Variants in FAM184B observed in about 807,000 individuals in gnomAD.
FAM184B encodes the protein protein FAM184B.
FAM184B carries 111 observed loss-of-function variants against 135.9 expected under a neutral mutation model. That is an observed-to-expected ratio of 0.82 (90% CI 0.70 to 0.96). FAM184B has a LOEUF of 0.96. Ranked by LOEUF, FAM184B falls within the 40% of genes least tolerant of loss-of-function variation. FAM184B has a pLI of 0.00. For missense variants in FAM184B, 1,375 were observed against 1,323.9 expected, an observed-to-expected ratio of 1.04 and a Z score of -0.60; for synonymous variants, 552 against 524.8, an observed-to-expected ratio of 1.05 and a Z score of -0.71.
chr4:17,735,403 C>T (rs1717885046), intron 1 of FAM184B, among the ~76,000 whole-genome samples: 2 of 151,910 alleles, frequency 1.3e-5, no homozygotes, highest in Non-Finnish European at 2.9e-5. Flanking sequence ...TTAAAATTTT[C>T]TTATTTCCTA....
At chr4:17,731,802 C>T (rs1717782993) in intron 1 of FAM184B, among the ~76,000 whole-genome samples, 1 of 152,098 alleles carries the variant, frequency 6.6e-6, no homozygotes, top group South Asian at 2.1e-4. Flanking sequence ...AAAGGATACC[C>T]AGGAATTGAA....
At position 17,688,680 on chromosome 4, in the gene FAM184B, CTTTTTTTTTTTT is replaced by C. The variant is rs34337003; in HGVS notation, c.1489-161_1489-150del. The C allele has an allele frequency of 7.7e-3, 908 of 117,972 alleles. 13 individuals are homozygous for C. Among genetic ancestry groups the C allele is most frequent in the African/African-American group, 0.041 (821 of 20,152 alleles). The allele number at this position is 117,972 out of a possible 1,614,324, so 7.3% of individuals were successfully genotyped here. ...ATTCTACACACACTTCTAGAAATGCCTTTTTTTTTTTTTTTTTTTTTTTTTTTCTGATCCAGG... is the reference window on the plus strand; with the variant it reads ...ATTCTACACACACTTCTAGAAATGCCTTTTTTTTTTTTTTTCTGATCCAGG... On this transcript the variant is annotated intron_variant, in intron 6 of 17. Transcript: ENST00000265018.
chr4:17,683,223 C>T (rs1716488657), intron 7 of FAM184B, among the ~76,000 whole-genome samples: 2 of 152,192 alleles, frequency 1.3e-5, no homozygotes, highest in Non-Finnish European at 2.9e-5. Flanking sequence ...GCAAAGCACA[C>T]GTGTTGCTGG....
intron 13 of FAM184B, 35 bp downstream of exon 13, chr4:17,642,021 G>A: frequency 6.6e-7 from 1 of 1,504,500 alleles, no homozygotes; most frequent in Non-Finnish European, 8.8e-7. Context: ...AGGGGGTGAG[G>A]GTGGCGCGGT....
In FAM184B at chr4:17,633,529, C is replaced by G. The variant is rs1715027770; in HGVS notation, c.3089+160G>C. ...GATGGAGTCCACCTTTTGTATAACCCATGCTGAAGTTTTCAGGTAAGTGAT... is the reference window on the plus strand; with the variant it reads ...GATGGAGTCCACCTTTTGTATAACCGATGCTGAAGTTTTCAGGTAAGTGAT... On this transcript the variant is annotated intron_variant, in intron 17 of 17. Transcript: ENST00000265018. 3.8e-5 allele frequency: 23 copies of G among 608,762 alleles called. No individual in the cohort carries two copies. In the East Asian group the frequency reaches 7.2e-4, roughly 19 times the overall value. The allele number at this position is 608,762 out of a possible 1,614,324, so 37.7% of individuals were successfully genotyped here. A position where few individuals can be genotyped will look rare whatever the true frequency, so the allele number is the denominator to read the frequency against.
chr4:17,693,521 C>T (rs148267080), intron 5 of FAM184B, 109 bp from the exon 6 acceptor site: 9 of 768,604 alleles, frequency 1.2e-5, no homozygotes, highest in African/African-American at 8.8e-5. Flanking sequence ...GAGTGTCATA[C>T]AACACTGCAA....
chr4:17,688,445 G>A lies in FAM184B; in HGVS notation c.1575C>T (p.His525=). Residue 525 remains histidine, a synonymous_variant, in exon 7 of 18, where the codon CAC becomes CAT. Transcript: ENST00000265018. ...TTACCTGGGTCTCCAGAATGCTGCAGTGCTGGCGGCCTAATTCCTGGGGAC... is the reference window on the plus strand; with the variant it reads ...TTACCTGGGTCTCCAGAATGCTGCAATGCTGGCGGCCTAATTCCTGGGGAC... ...EESPQELGRQ[H]CSILETQDPC... The A allele has an allele frequency of 1.3e-6, 2 of 1,550,762 alleles. No homozygotes were observed. The highest frequency in any genetic ancestry group is 1.7e-6 in the Non-Finnish European group (2 of 1,146,708).
At chr4:17,767,944 T>C (rs540177851) in intron 1 of FAM184B, among the ~76,000 whole-genome samples, 37 of 152,334 alleles carry the variant, frequency 2.4e-4, no homozygotes, top group African/African-American at 8.4e-4. Flanking sequence ...GTAGTAGTTC[T>C]AGGCTTCATT....
chr4:17,664,614 A>ACTCCT lies in FAM184B; in HGVS notation c.1637_1641dup (p.Tyr548ArgfsTer7). Reference sequence around the variant, plus strand: ...TCTTCAGCTGCTAACTTATCTTGATACTCCTCTCCTCTCGGCGAAGTTTCA... The same window carrying ACTCCT: ...TCTTCAGCTGCTAACTTATCTTGATACTCCTCTCCTCTCCTCTCGGCGAAGTTTCA... On this transcript the variant is annotated frameshift_variant, in exon 8 of 18. Transcript: ENST00000265018. LOFTEE classifies it high-confidence loss of function. 1 of 1,549,038 alleles carries ACTCCT rather than the reference A, an allele frequency of 6.5e-7. No individual in the cohort carries two copies. The highest frequency in any genetic ancestry group is 1.2e-5 in the South Asian group (1 of 83,876).
intron 17 of FAM184B, 119 bp downstream of exon 17, chr4:17,633,570 T>C: frequency 1.1e-6 from 1 of 918,398 alleles, no homozygotes; most frequent in Non-Finnish European, 1.6e-6. Context: ...GTCCCTTGTC[T>C]AATCATCCAT....
At chr4:17,731,917 C>T (rs9685588) in intron 1 of FAM184B, among the ~76,000 whole-genome samples, 145,114 of 149,186 alleles carry the variant, frequency 0.97, 70,664 homozygotes, top group Middle Eastern at 1. Context: ...TATTCCAAAA[C>T]TGACCACATA....
chr4:17,711,828 G>A (rs541192898), intron 1 of FAM184B, among the ~76,000 whole-genome samples: 1 of 152,278 alleles, frequency 6.6e-6, no homozygotes, highest in South Asian at 2.1e-4. Flanking sequence ...TGGCACTTGG[G>A]ACAGGAGAAT....
chr4:17,714,717 T>G (rs1025895839), intron 1 of FAM184B, among the ~76,000 whole-genome samples: 3 of 152,070 alleles, frequency 2.0e-5, no homozygotes, highest in Non-Finnish European at 4.4e-5. Context: ...GTGCATGGGA[T>G]GAAATCTGGA....
intron 1 of FAM184B, among the ~76,000 whole-genome samples, chr4:17,729,288 G>A (rs1157792582): frequency 1.3e-5 from 2 of 152,324 alleles, no homozygotes; most frequent in Middle Eastern, 6.8e-3. Context: ...GCTCAAGGAG[G>A]CCTGCCTGCC....
chr4:17,684,161 T>TA lies in FAM184B; in HGVS notation c.1596+4262dup, dbSNP rs1560175601. Among the ~76,000 whole-genome samples the TA allele has an allele frequency of 3.0e-3, 430 of 145,618 alleles. 2 individuals carry two copies. Among genetic ancestry groups the TA allele is most frequent in the Non-Finnish European group, 5.5e-3 (365 of 66,334 alleles). ...TATATAAAATAATTATATAATAAAA[T>TA]ATAATATAAAATAAAATAATTATAT... On this transcript the variant is annotated intron_variant, in intron 7 of 17. Transcript: ENST00000265018.
At chr4:17,729,631 T>A (rs1445445077) in intron 1 of FAM184B, among the ~76,000 whole-genome samples, 5 of 152,272 alleles carry the variant, frequency 3.3e-5, no homozygotes, top group African/African-American at 1.2e-4. Context: ...CTGCAGCCAC[T>A]GCTGCTGATA....
chr4:17,761,720 C>T (rs1718549935), intron 1 of FAM184B, among the ~76,000 whole-genome samples: 1 of 152,164 alleles, frequency 6.6e-6, no homozygotes, highest in Admixed American at 6.5e-5. Flanking sequence ...GGGGTTTTGC[C>T]ATGTTGATCA....
At chr4:17,640,843 C>T (rs1435731383) in intron 13 of FAM184B, among the ~76,000 whole-genome samples, 1 of 152,186 alleles carries the variant, frequency 6.6e-6, no homozygotes, top group Admixed American at 6.5e-5. Context: ...TACAATTAAC[C>T]AAGCGTTTCA....
At chr4:17,633,171 C>G (rs567218771) in intron 17 of FAM184B, 1 of 154,026 alleles carries the variant, frequency 6.5e-6, no homozygotes, top group South Asian at 2.0e-4. Context: ...ATCCACCCAC[C>G]TCCATCTCCC....
Sources: allele counts gnomAD v4.1 joint callset (sites outside exome capture counted in the v4.1 genomes callset), GRCh38; gene constraint gnomAD v4.1.1; transcripts MANE v1.5; gene names NCBI Gene and HGNC (gene_info 2026-07-23, HGNC 2026-07-21).